Variants in ARHGEF18 observed in about 807,000 individuals in gnomAD.
The protein encoded by ARHGEF18 is rho guanine nucleotide exchange factor 18.
A neutral mutation model predicts 155.7 loss-of-function variants in ARHGEF18; 93 were observed. That is an observed-to-expected ratio of 0.60 (90% CI 0.50 to 0.71). The LOEUF is 0.71. Ranked by LOEUF, ARHGEF18 falls within the 30% of genes least tolerant of loss-of-function variation. The pLI, the probability that ARHGEF18 is intolerant of heterozygous loss-of-function variation, is 0.00. For synonymous variants in ARHGEF18, 742 were observed against 753.1 expected, an observed-to-expected ratio of 0.99 and a Z score of 0.24; for missense variants, 1,593 against 1,816.1, an observed-to-expected ratio of 0.88 and a Z score of 2.23.
chr19:7,361,198 G>T, intron 1 of ARHGEF18, among the ~76,000 whole-genome samples: 1 of 152,236 alleles, frequency 6.6e-6, no homozygotes, highest in East Asian at 1.9e-4. Flanking sequence ...CACTTTGGGA[G>T]GCCAAGGCGG....
At position 7,463,773 on chromosome 19, in the gene ARHGEF18, A is replaced by G; in HGVS notation, c.2636-45A>G. The G allele has an allele frequency of 1.3e-6, 2 of 1,555,678 alleles. No individual in the cohort carries two copies. Among genetic ancestry groups the G allele is most frequent in the East Asian group, 2.3e-5 (1 of 43,216 alleles). ...CCAGCGCTCCGTATTCCCCCAGCAC[A>G]CTTCCGCAGGGCGACCCGTGCCTCC... On this transcript the variant is annotated intron_variant, in intron 21 of 28. Coordinates refer to ENST00000668164, the MANE Select transcript of ARHGEF18 (RefSeq NM_001367823.1). The surrounding 1 kb of genome is among the most constrained non-coding windows in gnomAD (Gnocchi z 5.2).
At chr19:7,387,426 A>G (rs988393384) in intron 10 of ARHGEF18, among the ~76,000 whole-genome samples, 3 of 152,100 alleles carry the variant, frequency 2.0e-5, no homozygotes, top group Non-Finnish European at 4.4e-5. Flanking sequence ...TGCTGGGATT[A>G]TAGGCGTGAG....
chr19:7,397,849 G>A (rs1419897504), intron 10 of ARHGEF18, among the ~76,000 whole-genome samples: 3 of 152,014 alleles, frequency 2.0e-5, no homozygotes, highest in South Asian at 2.1e-4. Flanking sequence ...GATTACAGGC[G>A]TGAGCTGCCA....
At chr19:7,394,906 C>A in intron 10 of ARHGEF18, 1 of 257,338 alleles carries the variant, frequency 3.9e-6, no homozygotes, top group Non-Finnish European at 6.1e-6. Context: ...CTGACCCGCC[C>A]CTCAAAAGTC....
At chr19:7,460,190 T>A (rs113418121) in intron 20 of ARHGEF18, among the ~76,000 whole-genome samples, 196 bp downstream of exon 20, 29 of 152,058 alleles carry the variant, frequency 1.9e-4, no homozygotes, top group African/African-American at 6.5e-4. Flanking sequence ...CACTTAGCCC[T>A]TTGGGGGTAT....
intron 23 of ARHGEF18, among the ~76,000 whole-genome samples, chr19:7,465,307 T>G (rs1397684999): frequency 6.6e-6 from 1 of 152,190 alleles, no homozygotes; most frequent in East Asian, 1.9e-4. Context: ...TCCTTCCTGT[T>G]ATCCACACTA....
chr19:7,371,405 G>A (rs967184111), intron 2 of ARHGEF18, among the ~76,000 whole-genome samples: 14 of 152,138 alleles, frequency 9.2e-5, no homozygotes, highest in Admixed American at 1.3e-4. Flanking sequence ...ATGTGGGCCC[G>A]GGTACAGTGG....
Position 7,468,924 on chromosome 19 carries a change from C to T in ARHGEF18, c.3580C>T (p.Arg1194Cys), listed in dbSNP as rs749113504. 78 of 1,575,214 alleles carry T rather than the reference C, an allele frequency of 5.0e-5. 1 individual carries two copies. The highest frequency in any genetic ancestry group is 2.0e-4 in the African/African-American group (15 of 73,850). Residue 1194 changes from arginine (R) to cysteine (C), a missense_variant, in exon 27 of 29, where the codon CGC (arginine) becomes TGC (cysteine). Transcript: ENST00000668164. ...PSGVGPEYAERPEVARRDSAP... is the reference protein window; with the variant it reads ...PSGVGPEYAECPEVARRDSAP... ...CGGCGTGGGGCCAGAGTACGCAGAG[C>T]GCCCCGAGGTGGCTCGCCGGGACAG...
chr19:7,396,070 C>T (rs114471820), intron 10 of ARHGEF18, among the ~76,000 whole-genome samples: 30 of 152,238 alleles, frequency 2.0e-4, no homozygotes, highest in African/African-American at 7.0e-4. Context: ...GGTTTAGCTC[C>T]ACTTACAAGT....
At chr19:7,452,226 T>C (rs1975526030) in intron 16 of ARHGEF18, among the ~76,000 whole-genome samples, 1 of 152,184 alleles carries the variant, frequency 6.6e-6, no homozygotes, top group Non-Finnish European at 1.5e-5. Flanking sequence ...ATGGCCTCTG[T>C]GTCACATGAC....
downstream of ARHGEF18, among the ~76,000 whole-genome samples, chr19:7,476,055 C>T (rs1035904621): frequency 6.6e-6 from 1 of 152,154 alleles, no homozygotes; most frequent in African/African-American, 2.4e-5. Flanking sequence ...AAAAACAAAC[C>T]ACAAATGTAC....
chr19:7,445,768 T>C (rs1974953969), intron 14 of ARHGEF18, among the ~76,000 whole-genome samples: 1 of 151,914 alleles, frequency 6.6e-6, no homozygotes, highest in Non-Finnish European at 1.5e-5. Context: ...TACAGGTGCC[T>C]GCCACCACAC....
At position 7,469,955 on chromosome 19, in the gene ARHGEF18, A is replaced by T; in HGVS notation, c.3839A>T (p.Asp1280Val). ...CTGCTCAACAAGCTCATGGGGAAAG[A>T]TGAGAGCACCTCACGGAACCGCCGC... ...QLLLNKLMGK[D>V]ESTSRNRRSL... is the part of the protein sequence containing the mutation. Residue 1280 changes from aspartate to valine, a missense_variant, in exon 28 of 29, where the codon GAT (aspartate) becomes GTT (valine). Physicochemically the swap from Asp to Val is radical, Grantham distance 152. Coordinates refer to ENST00000668164, the MANE Select transcript of ARHGEF18 (RefSeq NM_001367823.1). 3 of 1,613,068 alleles carry T rather than the reference A, an allele frequency of 1.9e-6. No individual in the cohort carries two copies. The highest frequency in any genetic ancestry group is 2.5e-6 in the Non-Finnish European group (3 of 1,179,878).
intron 4 of ARHGEF18, among the ~76,000 whole-genome samples, chr19:7,376,409 C>G (rs1970463867): frequency 6.6e-6 from 1 of 152,090 alleles, no homozygotes; most frequent in Admixed American, 6.5e-5. Flanking sequence ...ACCTGGGGCT[C>G]CAGCTCAGAG....
At chr19:7,415,131 A>G (rs752608217) in intron 10 of ARHGEF18, among the ~76,000 whole-genome samples, 1 of 152,152 alleles carries the variant, frequency 6.6e-6, no homozygotes, top group African/African-American at 2.4e-5. Flanking sequence ...CGCTTTCAAC[A>G]AAGCTGGACC....
At position 7,360,433 on chromosome 19, in the gene ARHGEF18, G is replaced by A. The variant is rs548452544; in HGVS notation, c.-110-2348G>A. Among the ~76,000 whole-genome samples the A allele has an allele frequency of 5.3e-4, 80 of 152,104 alleles. 1 individual carries two copies. Among genetic ancestry groups the A allele is most frequent in the African/African-American group, 1.8e-3 (76 of 41,510 alleles). ...GTATTTTCAGTAGAGACTAGGTTTC[G>A]CCATGTTGGTCAGGCTGGTCTCAAA... On this transcript the variant is annotated intron_variant, in intron 1 of 28. Coordinates refer to ENST00000668164, the MANE Select transcript of ARHGEF18 (RefSeq NM_001367823.1).
In ARHGEF18 at chr19:7,352,944, C is replaced by T. The variant is rs1343385797; in HGVS notation, c.-111+3703C>T. 2.7e-5 allele frequency among the ~76,000 whole-genome samples: 4 copies of T among 146,656 alleles called. No individual in the cohort carries two copies. In the East Asian group the frequency reaches 8.5e-4, roughly 31 times the overall value. ...CTCTGCCTCCCAGGTTCAAGCGATTCTCCTGCCTCAGCCTCCTGAATAGCT... is the reference window on the plus strand; with the variant it reads ...CTCTGCCTCCCAGGTTCAAGCGATTTTCCTGCCTCAGCCTCCTGAATAGCT... On this transcript the variant is annotated intron_variant, in intron 1 of 28. Transcript: ENST00000668164.
intron 10 of ARHGEF18, chr19:7,392,713 T>C (rs542525363): frequency 2.3e-5 from 3 of 131,350 alleles, no homozygotes; most frequent in Non-Finnish European, 4.6e-5. Flanking sequence ...AGACTCTGTC[T>C]CAAGAAAGAA....
In ARHGEF18 at chr19:7,440,203, A is replaced by G; in HGVS notation, c.968-141A>G. On this transcript the variant is annotated intron_variant, in intron 10 of 28. Coordinates refer to ENST00000668164, the MANE Select transcript of ARHGEF18 (RefSeq NM_001367823.1). This position sits in a 1 kb window ranked among gnomAD's most constrained non-coding sequence, Gnocchi z 5.4. ...TCTTTCCCCAGGAAATGGAGCGAGA[A>G]CGTCTTCTTGGATAACGAGCTGCTG... The G allele has an allele frequency of 1.3e-6, 2 of 1,551,586 alleles. No individual in the cohort carries two copies. The highest frequency in any genetic ancestry group is 2.4e-5 in the South Asian group (2 of 84,074).
Sources: allele counts gnomAD v4.1 joint callset (sites outside exome capture counted in the v4.1 genomes callset), GRCh38; gene constraint gnomAD v4.1.1; non-coding constraint Gnocchi (gnomAD v3.1); transcripts MANE v1.5; gene names NCBI Gene and HGNC (gene_info 2026-07-23, HGNC 2026-07-21).